DOCK3: variants seen among roughly 807,000 people sequenced by gnomAD.
DOCK3 encodes the protein dedicator of cytokinesis 3.
DOCK3 carries 60 observed loss-of-function variants against 265.6 expected under a neutral mutation model. The ratio of observed to expected loss-of-function variants is 0.23; its 90% CI spans 0.18 to 0.28. The LOEUF (loss-of-function observed/expected upper bound fraction) is 0.28, where lower values mean the gene tolerates loss of function less well. DOCK3 is among the 10% of genes least tolerant of loss of function. DOCK3 has a pLI of 1.00. For synonymous variants in DOCK3, 881 were observed against 938.0 expected, an observed-to-expected ratio of 0.94 and a Z score of 1.11; for missense variants, 1,981 against 2,594.3, an observed-to-expected ratio of 0.76 and a Z score of 5.14.
At position 51,277,772 on chromosome 3, in the gene DOCK3, A is replaced by T. The variant is rs2080892938; in HGVS notation, c.2823+18A>T. Reference sequence around the variant, plus strand: ...AGATCACTGTTAGTAACTAACATCCAGGTTTTCTTGCCTTCTTTTCTAACC... The same window carrying T: ...AGATCACTGTTAGTAACTAACATCCTGGTTTTCTTGCCTTCTTTTCTAACC... On this transcript the variant is annotated intron_variant, in intron 26 of 52. Transcript: ENST00000266037. The T allele has an allele frequency of 6.2e-7, 1 of 1,605,210 alleles. No individual in the cohort carries two copies. The highest frequency in any genetic ancestry group is 1.7e-5 in the Admixed American group (1 of 58,880).
intron 1 of DOCK3, among the ~76,000 whole-genome samples, chr3:50,728,041 C>T (rs1225177637): frequency 1.3e-5 from 2 of 152,096 alleles, no homozygotes; most frequent in African/African-American, 2.4e-5. Context: ...TGACGTAGAT[C>T]ATATGATGGG....
chr3:50,760,021 C>T lies in DOCK3; in HGVS notation c.38-18654C>T, dbSNP rs113565840. Among the ~76,000 whole-genome samples, 9 of 151,318 alleles carry T rather than the reference C, an allele frequency of 5.9e-5. No individual in the cohort carries two copies. The East Asian group carries it at 7.8e-4, about 13-fold the overall frequency. ...TACAAGTTTTAAATTTTGATGAAGG[C>T]GGACTCTTTTTTTTTTTTCCTGTAC... On this transcript the variant is annotated intron_variant, in intron 1 of 52. Transcript: ENST00000266037.
At chr3:50,976,049 C>T (rs1455468162) in intron 5 of DOCK3, among the ~76,000 whole-genome samples, 7 of 151,424 alleles carry the variant, frequency 4.6e-5, no homozygotes, top group Non-Finnish European at 7.4e-5. Context: ...CTTTATTAGT[C>T]TTGCTAGTGG....
intron 27 of DOCK3, among the ~76,000 whole-genome samples, chr3:51,305,723 T>TGTGTGTGTGA (rs2082626690): frequency 2.0e-5 from 1 of 48,808 alleles, no homozygotes; most frequent in African/African-American, 8.3e-5. Flanking sequence ...TGTCTGTGTG[T>TGTGTGTGTGA]GTGTGTGTGC....
At chr3:50,749,065 A>G (rs1352736440) in intron 1 of DOCK3, among the ~76,000 whole-genome samples, 14 of 152,094 alleles carry the variant, frequency 9.2e-5, no homozygotes, top group Admixed American at 9.2e-4. Flanking sequence ...TTAAGATTAC[A>G]TGGGATAATG....
intron 27 of DOCK3, among the ~76,000 whole-genome samples, chr3:51,283,384 A>C (rs942791178): frequency 2.0e-5 from 3 of 152,234 alleles, no homozygotes; most frequent in African/African-American, 7.2e-5. Flanking sequence ...TAATTCACCA[A>C]CTCTGGGAGG....
chr3:51,277,024 G>A (rs2080853468), intron 25 of DOCK3, among the ~76,000 whole-genome samples: 2 of 152,170 alleles, frequency 1.3e-5, no homozygotes, highest in African/African-American at 4.8e-5. Context: ...TGTAACACGA[G>A]CAAGAGAGCT....
At chr3:51,317,298 C>A in intron 32 of DOCK3, among the ~76,000 whole-genome samples, 2 of 148,330 alleles carry the variant, frequency 1.3e-5, no homozygotes, top group African/African-American at 2.5e-5. Flanking sequence ...TGGGTTTGGA[C>A]AAGGAGAAGC....
At chr3:51,176,762 A>C (rs2107681906) in intron 12 of DOCK3, among the ~76,000 whole-genome samples, 1 of 152,284 alleles carries the variant, frequency 6.6e-6, no homozygotes, top group South Asian at 2.1e-4. Context: ...GAAAAAGAGA[A>C]CCCCTATGAA....
intron 9 of DOCK3, among the ~76,000 whole-genome samples, chr3:51,139,351 A>G (rs1185550587): frequency 6.6e-6 from 1 of 152,098 alleles, no homozygotes; most frequent in Non-Finnish European, 1.5e-5. Flanking sequence ...CTGTCACAAC[A>G]TATTTGATGC....
chr3:50,751,728 G>C (rs1559592199), intron 1 of DOCK3, among the ~76,000 whole-genome samples: 1 of 152,090 alleles, frequency 6.6e-6, no homozygotes, highest in East Asian at 1.9e-4. Context: ...CCTGAGACCA[G>C]GTAATTTATA....
intron 23 of DOCK3, among the ~76,000 whole-genome samples, chr3:51,264,055 G>A (rs1267217368): frequency 6.6e-5 from 10 of 152,104 alleles, no homozygotes; most frequent in African/African-American, 9.7e-5. Flanking sequence ...GCTCTGGACC[G>A]AGTAGACCTG....
At chr3:50,983,992 C>T (rs2077799692) in intron 5 of DOCK3, among the ~76,000 whole-genome samples, 2 of 152,178 alleles carry the variant, frequency 1.3e-5, no homozygotes, top group Non-Finnish European at 2.9e-5. Flanking sequence ...GCACCTGGTC[C>T]AGCCACAGCC....
chr3:50,757,372 A>G (rs961509559), intron 1 of DOCK3, among the ~76,000 whole-genome samples: 15 of 150,846 alleles, frequency 9.9e-5, no homozygotes, highest in Non-Finnish European at 2.2e-4. Flanking sequence ...GGATTTCACC[A>G]TGTTGGCCCG....
chr3:50,858,449 AAT>A (rs1390953613), intron 3 of DOCK3, among the ~76,000 whole-genome samples: 6 of 149,846 alleles, frequency 4.0e-5, no homozygotes, highest in Non-Finnish European at 8.9e-5. Flanking sequence ...TAATAATAAT[AAT>A]AAAAATAAAA....
intron 3 of DOCK3, among the ~76,000 whole-genome samples, chr3:50,879,302 C>G (rs929348386): frequency 6.6e-6 from 1 of 152,138 alleles, no homozygotes; most frequent in African/African-American, 2.4e-5. Flanking sequence ...TGTAAATGGG[C>G]TAACTGCTCC....
intron 27 of DOCK3, among the ~76,000 whole-genome samples, chr3:51,290,610 AC>A (rs1576671809): frequency 6.6e-6 from 1 of 152,150 alleles, no homozygotes; most frequent in African/African-American, 2.4e-5. Flanking sequence ...GGTGCAGCAC[AC>A]CAACATGGCA....
chr3:50,894,460 A>G (rs1158588033), intron 4 of DOCK3, among the ~76,000 whole-genome samples: 1 of 152,106 alleles, frequency 6.6e-6, no homozygotes, highest in Non-Finnish European at 1.5e-5. Context: ...CTTATAAAAA[A>G]TGCTGAAAGG....
At chr3:50,984,069 C>G (rs2077803271) in intron 5 of DOCK3, among the ~76,000 whole-genome samples, 1 of 151,790 alleles carries the variant, frequency 6.6e-6, no homozygotes, top group Non-Finnish European at 1.5e-5. Context: ...TTGCCAGACC[C>G]CACACTTGCT....
Sources: allele counts gnomAD v4.1 joint callset (sites outside exome capture counted in the v4.1 genomes callset), GRCh38; gene constraint gnomAD v4.1.1; transcripts MANE v1.5; gene names NCBI Gene and HGNC (gene_info 2026-07-23, HGNC 2026-07-21).